The following SLC37A1 variants were observed in gnomAD, a reference collection of about 807,000 sequenced individuals.
The protein encoded by SLC37A1 is glucose-6-phosphate exchanger SLC37A1.
In SLC37A1, 49 loss-of-function variants were observed where a neutral mutation model predicts 75.3. The ratio of observed to expected loss-of-function variants is 0.65; its 90% CI spans 0.52 to 0.83. The LOEUF (loss-of-function observed/expected upper bound fraction) is 0.83, where lower values mean the gene tolerates loss of function less well. Ranked by LOEUF, SLC37A1 falls within the 40% of genes least tolerant of loss-of-function variation. SLC37A1 has a pLI of 0.00. For synonymous variants in SLC37A1, 268 were observed against 292.1 expected (o/e 0.92, Z 0.84); for missense variants, 566 against 695.0 (o/e 0.81, Z 2.09).
intron 14 of SLC37A1, among the ~76,000 whole-genome samples, chr21:42,565,339 C>A (rs776203438): frequency 6.6e-6 from 1 of 152,384 alleles, no homozygotes; most frequent in Non-Finnish European, 1.5e-5. Flanking sequence ...TGTAGCTCTG[C>A]GCGTCTGCCC....
At chr21:42,511,806 A>G (rs1296227120), upstream of SLC37A1, among the ~76,000 whole-genome samples, 4 of 152,108 alleles carry the variant, frequency 2.6e-5, no homozygotes. Context: ...ACAAACCAAC[A>G]AACAAACAAA....
intron 17 of SLC37A1, among the ~76,000 whole-genome samples, chr21:42,570,969 C>A (rs2056147942): frequency 6.6e-6 from 1 of 152,236 alleles, no homozygotes; most frequent in South Asian, 2.1e-4. Context: ...CTGCCGCGCC[C>A]ACCTTGATGG....
intron 2 of SLC37A1, among the ~76,000 whole-genome samples, chr21:42,521,034 C>T (rs377493957): frequency 6.6e-6 from 1 of 152,134 alleles, no homozygotes; most frequent in African/African-American, 2.4e-5. Context: ...GGAAGCTGGC[C>T]GCTAGGTGGA....
At chr21:42,546,677 C>T (rs1462069800) in intron 8 of SLC37A1, among the ~76,000 whole-genome samples, 2 of 152,320 alleles carry the variant, frequency 1.3e-5, no homozygotes, top group South Asian at 2.1e-4. Flanking sequence ...GGGGACAGGC[C>T]GGGGCGTGTG....
At chr21:42,516,445 G>C (rs756731605) in intron 1 of SLC37A1, among the ~76,000 whole-genome samples, 9 of 152,294 alleles carry the variant, frequency 5.9e-5, no homozygotes, top group South Asian at 4.1e-4. Flanking sequence ...GTCATGGTTC[G>C]TGCTTCCAGA....
intron 17 of SLC37A1, among the ~76,000 whole-genome samples, chr21:42,569,863 C>T (rs963273274): frequency 7.2e-5 from 11 of 152,386 alleles, no homozygotes; most frequent in African/African-American, 2.6e-4. Context: ...AGGCGGCTGA[C>T]TGCACAGTGA....
chr21:42,555,481 G>A (rs1472414968), intron 10 of SLC37A1, among the ~76,000 whole-genome samples: 1 of 152,224 alleles, frequency 6.6e-6, no homozygotes, highest in Non-Finnish European at 1.5e-5. Context: ...TATTAGAAAA[G>A]GGAAGAATGA....
At chr21:42,535,251 C>G (rs2055107006) in intron 4 of SLC37A1, among the ~76,000 whole-genome samples, 1 of 152,204 alleles carries the variant, frequency 6.6e-6, no homozygotes, top group Non-Finnish European at 1.5e-5. Flanking sequence ...CTGAATGACG[C>G]CTGTATTATA....
In SLC37A1 at chr21:42,531,190, C is replaced by T. The variant is rs557910683; in HGVS notation, c.139-3508C>T. ...TCCCAGCCCCACCGCCTTCCCCGCA[C>T]ACTCGTCGCGCTGTGACTCCCGGCC... is the stretch of plus-strand genomic sequence containing the variant. On this transcript the variant is annotated intron_variant, in intron 3 of 19. Transcript: ENST00000352133. Among the ~76,000 whole-genome samples the T allele has an allele frequency of 3.5e-4, 54 of 152,242 alleles. 2 individuals carry two copies. The East Asian group carries it at 0.01, about 30-fold the overall frequency.
intron 5 of SLC37A1, among the ~76,000 whole-genome samples, chr21:42,538,877 AG>A (rs1224774227): frequency 1.3e-5 from 2 of 152,344 alleles, no homozygotes; most frequent in East Asian, 3.9e-4. Flanking sequence ...GTAGCTGTTT[AG>A]TGAATCGCAT....
chr21:42,551,633 C>T (rs1207531375), intron 9 of SLC37A1, among the ~76,000 whole-genome samples: 1 of 152,170 alleles, frequency 6.6e-6, no homozygotes, highest in East Asian at 1.9e-4. Context: ...TTTTTAAAAT[C>T]TATAATCCTT....
intron 2 of SLC37A1, among the ~76,000 whole-genome samples, chr21:42,520,007 TACAC>T (rs991943639): frequency 6.6e-6 from 1 of 151,748 alleles, no homozygotes; most frequent in Non-Finnish European, 1.5e-5. Flanking sequence ...TGTATGTTTG[TACAC>T]ACACACTTTT....
chr21:42,535,470 A>G lies in SLC37A1; in HGVS notation c.272-2A>G. The G allele has an allele frequency of 6.2e-7, 1 of 1,613,564 alleles. No individual in the cohort carries two copies. ...GTCCTGCTGGTTTTCAAATTCATAT[A>G]GATAAGAACAACTATCAGCAGCTGC... On this transcript the variant is annotated splice_acceptor_variant, in intron 4 of 19. Coordinates refer to ENST00000352133, the MANE Select transcript of SLC37A1 (RefSeq NM_001320537.2). LOFTEE classifies it high-confidence loss of function.
At chr21:42,559,450 TGGCCCCTGTGGCCC>T (rs1339990835) in intron 11 of SLC37A1, among the ~76,000 whole-genome samples, 1 of 152,368 alleles carries the variant, frequency 6.6e-6, no homozygotes, top group Non-Finnish European at 1.5e-5. Flanking sequence ...CTGTGCCACC[TGGCCCCTGTGGCCC>T]GGCCCCTCCC....
chr21:42,571,726 T>C (rs1052019904), intron 17 of SLC37A1, among the ~76,000 whole-genome samples: 2 of 148,456 alleles, frequency 1.3e-5, no homozygotes, highest in East Asian at 4.2e-4. Context: ...GCTTCTGCCC[T>C]TCACTTTCCA....
intron 17 of SLC37A1, among the ~76,000 whole-genome samples, chr21:42,571,370 G>A (rs1266205764): frequency 2.6e-5 from 4 of 152,220 alleles, no homozygotes; most frequent in Non-Finnish European, 5.9e-5. Context: ...GCTTAGAATC[G>A]CAGAGGTTGC....
intron 7 of SLC37A1, among the ~76,000 whole-genome samples, chr21:42,542,924 A>T (rs2055319324): frequency 6.6e-6 from 1 of 152,248 alleles, no homozygotes; most frequent in Non-Finnish European, 1.5e-5. Context: ...TATACAGATA[A>T]AATTTATTTA....
intron 17 of SLC37A1, 65 bp downstream of exon 17, chr21:42,568,503 C>T (rs560154122): frequency 4.1e-6 from 6 of 1,477,766 alleles, no homozygotes; most frequent in African/African-American, 2.8e-5. Context: ...GTCACATGCT[C>T]GTGAACAGGT....
chr21:42,554,982 G>GGTTTTTTTTTTTTTTTTTT (rs368777229), intron 10 of SLC37A1, among the ~76,000 whole-genome samples: 1 of 116,598 alleles, frequency 8.6e-6, no homozygotes, highest in Non-Finnish European at 1.8e-5. Context: ...TTGGTTGGTT[G>GGTTTTTTTTTTTTTTTTTT]TTTTTTTTTT....
Sources: allele counts gnomAD v4.1 joint callset (sites outside exome capture counted in the v4.1 genomes callset), GRCh38; gene constraint gnomAD v4.1.1; transcripts MANE v1.5; gene names NCBI Gene and HGNC (gene_info 2026-07-23, HGNC 2026-07-21).